COL9A1: variants seen among roughly 807,000 people sequenced by gnomAD.
The protein encoded by COL9A1 is collagen type IX alpha 1 chain, also known as collagen alpha-1(IX) chain.
A neutral mutation model predicts 142.6 loss-of-function variants in COL9A1; 104 were observed. That is an observed-to-expected ratio of 0.73 (90% CI 0.62 to 0.86). The LOEUF (loss-of-function observed/expected upper bound fraction) is 0.86. Among genes scored for constraint, COL9A1 ranks in the 40% least tolerant of loss-of-function variants. The pLI is 0.00. For missense variants in COL9A1, 1,210 were observed against 1,176.6 expected (o/e 1.03, Z -0.42); for synonymous variants, 466 against 396.0 (o/e 1.18, Z -2.10).
intron 28 of COL9A1, among the ~76,000 whole-genome samples, chr6:70,243,637 C>G (rs945853174): frequency 6.6e-6 from 1 of 152,138 alleles, no homozygotes; most frequent in Non-Finnish European, 1.5e-5. Context: ...AAGTGATTCT[C>G]CTGCCTCAGC....
At chr6:70,236,925 G>A (rs765943485) in intron 33 of COL9A1, among the ~76,000 whole-genome samples, 2 of 151,958 alleles carry the variant, frequency 1.3e-5, no homozygotes, top group African/African-American at 4.8e-5. Context: ...AGGTTCAAGC[G>A]ATTCTCCTGC....
intron 5 of COL9A1, among the ~76,000 whole-genome samples, chr6:70,287,089 C>T (rs1406845): frequency 2.6e-5 from 4 of 152,012 alleles, no homozygotes; most frequent in South Asian, 2.1e-4. Flanking sequence ...TCATATAACA[C>T]GCGCATATAT....
intron 37 of COL9A1, among the ~76,000 whole-genome samples, chr6:70,218,728 G>T (rs549163102): frequency 1.7e-3 from 197 of 112,662 alleles, no homozygotes; most frequent in Non-Finnish European, 3.1e-3. Flanking sequence ...GTAGTAATAT[G>T]GTCTTATTCA....
At position 70,252,103 on chromosome 6, in the gene COL9A1, C is replaced by T. The variant is rs771191521; in HGVS notation, c.1872+17G>A. 1.9e-6 allele frequency: 3 copies of T among 1,613,442 alleles called. No individual in the cohort carries two copies. The highest frequency in any genetic ancestry group is 4.5e-5 in the East Asian group (2 of 44,874). The stretch of plus-strand genomic sequence containing the variant: ...CCTGAGAAGGTGCTTTAGGAAAGAA[C>T]AGCAAGGAATACTCACAGGAAGCCC... On this transcript the variant is annotated intron_variant, in intron 28 of 37. Coordinates refer to ENST00000357250, the MANE Select transcript of COL9A1 (RefSeq NM_001851.6).
At chr6:70,221,911 T>G (rs539888219) in intron 37 of COL9A1, among the ~76,000 whole-genome samples, 1 of 152,224 alleles carries the variant, frequency 6.6e-6, no homozygotes, top group Non-Finnish European at 1.5e-5. Context: ...GAGACTAAAG[T>G]TCCAGGGATT....
intron 10 of COL9A1, 153 bp from the exon 11 acceptor site, chr6:70,274,925 C>G (rs1772658369): frequency 1.6e-6 from 1 of 641,948 alleles, no homozygotes; most frequent in East Asian, 2.8e-5. Flanking sequence ...TATAGTCTTA[C>G]TCAAAAGTAA....
At position 70,216,831 on chromosome 6, in the gene COL9A1, G is replaced by C. The variant is rs1184503372; in HGVS notation, c.*66C>G. 5.2e-6 allele frequency: 8 copies of C among 1,547,676 alleles called. No individual in the cohort carries two copies. Among genetic ancestry groups the C allele is most frequent in the Non-Finnish European group, 6.2e-6 (7 of 1,122,570 alleles). Reference sequence around the variant, plus strand: ...ATCATCTTTGCCCCAGCTTTGGATGGTGTTTCTCACCCAGGCTCCTTCACC... The same window carrying C: ...ATCATCTTTGCCCCAGCTTTGGATGCTGTTTCTCACCCAGGCTCCTTCACC... On this transcript the variant is annotated 3_prime_UTR_variant, in exon 38 of 38. Transcript: ENST00000357250.
At chr6:70,299,697 T>C (rs111863962) in intron 4 of COL9A1, among the ~76,000 whole-genome samples, 2 of 152,218 alleles carry the variant, frequency 1.3e-5, no homozygotes, top group African/African-American at 4.8e-5. Flanking sequence ...CTGTGGCTCC[T>C]AGTTAAATTT....
Position 70,302,967 on chromosome 6 carries a change from G to T in COL9A1, c.-43C>A. 6.3e-7 allele frequency: 1 copy of T among 1,595,198 alleles called. No individual in the cohort carries two copies. Among genetic ancestry groups the T allele is most frequent in the Non-Finnish European group, 8.6e-7 (1 of 1,162,814 alleles). On this transcript the variant is annotated 5_prime_UTR_variant, in exon 1 of 38. Coordinates refer to ENST00000357250, the MANE Select transcript of COL9A1 (RefSeq NM_001851.6). ...TTTGTTTGCCAACAGTCCCTATGAA[G>T]AAGGGGTTGGAAGGGAGTCACTGTC...
chr6:70,257,656 A>G (rs1338439880), intron 20 of COL9A1, among the ~76,000 whole-genome samples: 4 of 152,178 alleles, frequency 2.6e-5, no homozygotes, highest in Admixed American at 2.6e-4. Context: ...CTAGAGCAAG[A>G]GAATCACTTG....
At chr6:70,294,102 G>C in intron 5 of COL9A1, 65 bp downstream of exon 5, 1 of 1,586,236 alleles carries the variant, frequency 6.3e-7, no homozygotes, top group Non-Finnish European at 8.7e-7. Context: ...AAAGATGCTT[G>C]AGATGTTCAT....
intron 5 of COL9A1, among the ~76,000 whole-genome samples, chr6:70,288,787 C>T (rs569765542): frequency 6.6e-6 from 1 of 152,286 alleles, no homozygotes; most frequent in South Asian, 2.1e-4. Context: ...ATGAGGCCCT[C>T]ACTCAAGGCA....
At chr6:70,302,889 C>A (rs754569163) in intron 1 of COL9A1, 22 bp downstream of exon 1, 1 of 1,613,912 alleles carries the variant, frequency 6.2e-7, no homozygotes, top group Non-Finnish European at 8.5e-7. Context: ...CCCCACCACT[C>A]TTTCCAGGGT....
Position 70,254,608 on chromosome 6 carries a change from G to A in COL9A1, c.1666-79C>T, listed in dbSNP as rs918974375. 4.4e-5 allele frequency: 53 copies of A among 1,215,112 alleles called. 1 individual carries two copies. Among genetic ancestry groups the A allele is most frequent in the South Asian group, 3.0e-4 (25 of 83,314 alleles). The allele number at this position is 1,215,112 out of a possible 1,614,324, so 75.3% of individuals were successfully genotyped here. ...TTTTAAGAAACGGAGGAGCACAGAC[G>A]TTTTAAGTAAAAGGATTGTCCCAAC... On this transcript the variant is annotated intron_variant, in intron 24 of 37. Coordinates refer to ENST00000357250, the MANE Select transcript of COL9A1 (RefSeq NM_001851.6).
At chr6:70,227,703 A>G (rs953541538) in intron 36 of COL9A1, among the ~76,000 whole-genome samples, 2 of 152,126 alleles carry the variant, frequency 1.3e-5, no homozygotes, top group South Asian at 4.1e-4. Flanking sequence ...AATGTTGTTC[A>G]CTGCAGCCTT....
At chr6:70,235,035 C>T in intron 33 of COL9A1, 95 bp from the exon 34 acceptor site, 1 of 1,486,686 alleles carries the variant, frequency 6.7e-7, no homozygotes, top group Admixed American at 1.8e-5. Flanking sequence ...TTTGCGGTTT[C>T]CTGCACTCTG....
At chr6:70,235,853 G>A (rs914042598) in intron 33 of COL9A1, among the ~76,000 whole-genome samples, 2 of 151,988 alleles carry the variant, frequency 1.3e-5, no homozygotes, top group African/African-American at 2.4e-5. Flanking sequence ...GGTGGCTCAC[G>A]CCTGTAATCC....
rs1422918846 is a variant in COL9A1 at position 70,300,115 on chromosome 6, C to T, written c.227G>A (p.Arg76Lys). The T allele has an allele frequency of 4.3e-6, 7 of 1,613,728 alleles. No individual in the cohort carries two copies. Among genetic ancestry groups the T allele is most frequent in the Non-Finnish European group, 5.9e-6 (7 of 1,179,838 alleles). ...DKAASRRAIQ[R>K]VVGSATLQVA... Reference sequence around the variant, plus strand: ...CTGCAATGTAGCTGATCCCACTACTCTCTGGATAGCTCTTCTAGATGCTGC... The same window carrying T: ...CTGCAATGTAGCTGATCCCACTACTTTCTGGATAGCTCTTCTAGATGCTGC... Residue 76 changes from arginine to lysine, a missense_variant, in exon 4 of 38, where the codon AGA becomes AAA. Transcript: ENST00000357250.
chr6:70,268,054 C>A (rs956967985), intron 17 of COL9A1, among the ~76,000 whole-genome samples: 3 of 152,180 alleles, frequency 2.0e-5, no homozygotes, highest in Admixed American at 2.0e-4. Context: ...GGAAAACTTT[C>A]AAGTAATTAC....
Sources: allele counts gnomAD v4.1 joint callset (sites outside exome capture counted in the v4.1 genomes callset), GRCh38; gene constraint gnomAD v4.1.1; transcripts MANE v1.5; gene names NCBI Gene and HGNC (gene_info 2026-07-23, HGNC 2026-07-21).